SIPA1L3: variants seen among roughly 807,000 people sequenced by gnomAD.
SIPA1L3 encodes the protein signal-induced proliferation-associated 1-like protein 3.
Under a neutral mutation model 150.1 loss-of-function variants are expected in SIPA1L3, and 59 were observed. That is an observed-to-expected ratio of 0.39 (90% CI 0.32 to 0.49). The LOEUF is 0.49. Ranked by LOEUF, SIPA1L3 falls within the 20% of genes least tolerant of loss-of-function variation. The pLI is 0.86. For missense variants in SIPA1L3, 2,211 were observed against 2,489.5 expected, an observed-to-expected ratio of 0.89 and a Z score of 2.38; for synonymous variants, 1,070 against 1,077.6, an observed-to-expected ratio of 0.99 and a Z score of 0.14.
chr19:37,918,728 A>G (rs962382922), intron 1 of SIPA1L3, among the ~76,000 whole-genome samples: 7 of 151,854 alleles, frequency 4.6e-5, no homozygotes, highest in Admixed American at 3.3e-4. Context: ...AAAATTAGCC[A>G]GGCATGGTGG....
chr19:38,093,966 C>G (rs951506116), intron 4 of SIPA1L3, among the ~76,000 whole-genome samples: 16 of 152,290 alleles, frequency 1.1e-4, no homozygotes, highest in Middle Eastern at 3.4e-3. Flanking sequence ...GGGATGGCAA[C>G]CAGCCAGGAA....
intron 2 of SIPA1L3, among the ~76,000 whole-genome samples, chr19:38,055,487 T>A (rs1969295313): frequency 6.6e-6 from 1 of 152,192 alleles, no homozygotes; most frequent in East Asian, 1.9e-4. Flanking sequence ...AAAGGTCCCA[T>A]CCCCCATCCC....
intron 3 of SIPA1L3, among the ~76,000 whole-genome samples, chr19:38,088,218 T>C (rs1294460304): frequency 6.6e-6 from 1 of 152,236 alleles, no homozygotes; most frequent in Non-Finnish European, 1.5e-5. Flanking sequence ...GAAAATGCTA[T>C]CTAGCGACTT....
At chr19:37,951,304 G>T (rs1179739309) in intron 1 of SIPA1L3, among the ~76,000 whole-genome samples, 1 of 152,250 alleles carries the variant, frequency 6.6e-6, no homozygotes, top group Non-Finnish European at 1.5e-5. Flanking sequence ...AAGCAAACCA[G>T]TGTTGGCTGA....
chr19:38,093,970 C>T (rs754955318), intron 4 of SIPA1L3, among the ~76,000 whole-genome samples: 5 of 152,212 alleles, frequency 3.3e-5, no homozygotes, highest in Non-Finnish European at 7.3e-5. Flanking sequence ...TGGCAACCAG[C>T]CAGGAACTGT....
In SIPA1L3 at chr19:38,026,937, A is replaced by C. The variant is rs537010747; in HGVS notation, c.-378-2152A>C. Reference sequence around the variant, plus strand: ...TGCAAATATCACAAAATATCATTTAAACACCTACCTGTTTCTAAATCACTA... The same window carrying C: ...TGCAAATATCACAAAATATCATTTACACACCTACCTGTTTCTAAATCACTA... On this transcript the variant is annotated intron_variant, in intron 1 of 21. Coordinates refer to ENST00000222345, the MANE Select transcript of SIPA1L3 (RefSeq NM_015073.3). Among the ~76,000 whole-genome samples, 3 of 152,348 alleles carry C rather than the reference A, an allele frequency of 2.0e-5. No individual in the cohort carries two copies. The East Asian group carries it at 5.8e-4, about 29-fold the overall frequency.
chr19:38,075,367 A>G (rs1373832552), intron 2 of SIPA1L3, among the ~76,000 whole-genome samples: 2 of 152,036 alleles, frequency 1.3e-5, no homozygotes, highest in African/African-American at 4.8e-5. Context: ...GAGGCAGGAG[A>G]ATCGCTTGAA....
chr19:38,198,299 A>C, intron 18 of SIPA1L3, 90 bp from the exon 19 acceptor site: 1 of 1,348,838 alleles, frequency 7.4e-7, no homozygotes, highest in Non-Finnish European at 9.8e-7. Flanking sequence ...GGCATGTAGC[A>C]TCTCTGCATA....
chr19:37,967,044 G>A (rs2046909948), intron 1 of SIPA1L3, among the ~76,000 whole-genome samples: 1 of 152,088 alleles, frequency 6.6e-6, no homozygotes, highest in Admixed American at 6.6e-5. Flanking sequence ...GAGTTTAGGG[G>A]GCCAGAAGTC....
At chr19:38,180,354 G>A (rs562695783) in intron 15 of SIPA1L3, among the ~76,000 whole-genome samples, 2 of 151,880 alleles carry the variant, frequency 1.3e-5, no homozygotes, top group South Asian at 4.2e-4. Flanking sequence ...TAGAAGTGGG[G>A]TCTCACTGTG....
intron 1 of SIPA1L3, among the ~76,000 whole-genome samples, chr19:38,000,889 A>G (rs894275103): frequency 6.5e-5 from 9 of 139,244 alleles, no homozygotes; most frequent in Admixed American, 3.7e-4. Flanking sequence ...ATATATATAT[A>G]TATGTTATAT....
At chr19:37,929,840 T>C (rs998214728) in intron 1 of SIPA1L3, among the ~76,000 whole-genome samples, 2 of 152,060 alleles carry the variant, frequency 1.3e-5, no homozygotes, top group Non-Finnish European at 2.9e-5. Context: ...TGTATGTATG[T>C]CTGTATCTAT....
chr19:37,919,958 C>T (rs540865527), intron 1 of SIPA1L3, among the ~76,000 whole-genome samples: 2 of 152,144 alleles, frequency 1.3e-5, no homozygotes, highest in South Asian at 2.1e-4. Flanking sequence ...GATCTGCCCA[C>T]CTTGGCCTCC....
intron 6 of SIPA1L3, 151 bp downstream of exon 6, chr19:38,101,377 C>G (rs1380825916): frequency 5.6e-6 from 3 of 540,322 alleles, no homozygotes; most frequent in Admixed American, 7.5e-5. Context: ...AGTGCAGCCA[C>G]TTTATTTTTT....
chr19:38,133,126 C>T (rs1276957342), intron 10 of SIPA1L3, among the ~76,000 whole-genome samples: 8 of 151,980 alleles, frequency 5.3e-5, no homozygotes, highest in Admixed American at 3.9e-4. Flanking sequence ...GGATGTCTTT[C>T]GGCCGCAGCA....
chr19:37,955,320 G>A (rs2046800649), intron 1 of SIPA1L3, among the ~76,000 whole-genome samples: 1 of 151,938 alleles, frequency 6.6e-6, no homozygotes, highest in South Asian at 2.1e-4. Flanking sequence ...GAACCTAGGA[G>A]GCGGAGGTTG....
chr19:37,947,295 C>T (rs1158836605), intron 1 of SIPA1L3, among the ~76,000 whole-genome samples: 2 of 151,972 alleles, frequency 1.3e-5, no homozygotes, highest in African/African-American at 4.8e-5. Context: ...CGAGACCATC[C>T]TGGCTAACAT....
intron 1 of SIPA1L3, among the ~76,000 whole-genome samples, chr19:37,984,778 A>G (rs1967302412): frequency 6.6e-6 from 1 of 152,258 alleles, no homozygotes; most frequent in Non-Finnish European, 1.5e-5. Context: ...CTGCTGTGGA[A>G]TATGGCTGGT....
At chr19:37,985,378 T>C (rs863858) in intron 1 of SIPA1L3, among the ~76,000 whole-genome samples, 2,184 of 152,106 alleles carry the variant, frequency 0.014, 69 homozygotes, top group African/African-American at 0.05. Flanking sequence ...AGAAAATTGT[T>C]TTAGTCAAGT....
Sources: allele counts gnomAD v4.1 joint callset (sites outside exome capture counted in the v4.1 genomes callset), GRCh38; gene constraint gnomAD v4.1.1; transcripts MANE v1.5; gene names NCBI Gene and HGNC (gene_info 2026-07-23, HGNC 2026-07-21).